The following AGT variants were observed in gnomAD, a reference collection of about 807,000 sequenced individuals.
AGT encodes angiotensinogen.
In AGT, 26 loss-of-function variants were observed where a neutral mutation model predicts 28.1. The ratio of observed to expected loss-of-function variants is 0.92; its 90% CI spans 0.68 to 1.28. AGT has a LOEUF of 1.28. Among genes scored for constraint, AGT ranks in the 50% most tolerant of loss-of-function variants. The probability of loss-of-function intolerance (pLI) is 0.00; values close to 1 mark genes in which losing one functional copy is unlikely to be tolerated. For missense variants in AGT, 596 were observed against 592.3 expected, an observed-to-expected ratio of 1.01 and a Z score of -0.06; for synonymous variants, 259 against 259.6, an observed-to-expected ratio of 1.00 and a Z score of 0.02.
chr1:230,733,566 C>A (rs535825454), intron 1 of AGT, among the ~76,000 whole-genome samples: 10 of 152,142 alleles, frequency 6.6e-5, no homozygotes, highest in Non-Finnish European at 1.3e-4. Flanking sequence ...GTCTCATTTG[C>A]TACAATTTAA....
chr1:230,735,733 C>T (rs1242040102), intron 1 of AGT, among the ~76,000 whole-genome samples: 2 of 152,142 alleles, frequency 1.3e-5, no homozygotes, highest in African/African-American at 4.8e-5. Flanking sequence ...CCTCAGGTGA[C>T]TGCATCCTCC....
intron 1 of AGT, among the ~76,000 whole-genome samples, chr1:230,712,886 C>G (rs1360619838): frequency 6.6e-6 from 1 of 152,200 alleles, no homozygotes; most frequent in Non-Finnish European, 1.5e-5. Context: ...CTGCCCCTGC[C>G]TCTTGGCCAG....
At chr1:230,719,497 T>A (rs1663804692), upstream of AGT, among the ~76,000 whole-genome samples, 1 of 149,044 alleles carries the variant, frequency 6.7e-6, no homozygotes, top group South Asian at 2.2e-4. Flanking sequence ...AAGCTCCGCC[T>A]CCTGGGTTCA....
At chr1:230,735,009 C>T (rs752512697) in intron 1 of AGT, among the ~76,000 whole-genome samples, 9 of 152,112 alleles carry the variant, frequency 5.9e-5, no homozygotes, top group African/African-American at 9.7e-5. Flanking sequence ...CCATCGCGCC[C>T]GGCCATAACT....
At chr1:230,735,784 C>G (rs1297567586) in intron 1 of AGT, among the ~76,000 whole-genome samples, 1 of 152,200 alleles carries the variant, frequency 6.6e-6, no homozygotes, top group Admixed American at 6.5e-5. Flanking sequence ...GAAACTGCTT[C>G]TCCTTCACCC....
Position 230,704,334 on chromosome 1 carries a change from G to A in AGT, c.1101C>T (p.Thr367=). Residue 367 remains threonine (T), a synonymous_variant, in exon 4 of 5, where the codon ACC becomes ACT. Transcript: ENST00000366667. ...CCAGTTGGGGCATGGTCAGGTGGAT[G>A]GTCCTGGGGAGATGATGCACAGTTA... ...LNWMKKLSPR[T]IHLTMPQLVL... The A allele has an allele frequency of 6.2e-7, 1 of 1,614,130 alleles. No individual in the cohort carries two copies. The highest frequency in any genetic ancestry group is 8.5e-7 in the Non-Finnish European group (1 of 1,180,014).
intron 1 of AGT, among the ~76,000 whole-genome samples, chr1:230,732,073 C>A (rs1338091168): frequency 6.6e-6 from 1 of 152,196 alleles, no homozygotes; most frequent in Admixed American, 6.5e-5. Flanking sequence ...ACTGCACCAC[C>A]CCTATCTTCT....
chr1:230,720,212 C>T (rs1388829383), intron 1 of AGT, among the ~76,000 whole-genome samples: 1 of 152,174 alleles, frequency 6.6e-6, no homozygotes, highest in Non-Finnish European at 1.5e-5. Context: ...GTGCAAACTC[C>T]AGTTGGCCAT....
In AGT at chr1:230,710,092, C is replaced by T. The variant is rs759416989; in HGVS notation, c.732G>A (p.Arg244=). ...TCCATCCTGTCACAGCCTGCATGAA[C>T]CTGTCAATCTTCTCAGCAGCAACAT... is the stretch of plus-strand genomic sequence containing the variant. The part of the protein sequence containing the change: ...ELDVAAEKID[R]FMQAVTGWKT... The change falls in exon 2 of 5, where the codon AGG becomes AGA. Residue 244 remains arginine, a synonymous_variant. Coordinates refer to ENST00000366667, the MANE Select transcript of AGT (RefSeq NM_001384479.1). The T allele has an allele frequency of 1.2e-6, 2 of 1,614,216 alleles. No homozygotes were observed. The highest frequency in any genetic ancestry group is 1.7e-6 in the Non-Finnish European group (2 of 1,180,048).
intron 1 of AGT, among the ~76,000 whole-genome samples, chr1:230,720,901 C>A (rs1011869665): frequency 6.6e-6 from 1 of 152,218 alleles, no homozygotes. Flanking sequence ...TTCTCCATCA[C>A]CCTCACCCTT....
intron 2 of AGT, among the ~76,000 whole-genome samples, chr1:230,709,651 C>A (rs1663513027): frequency 6.6e-6 from 1 of 152,198 alleles, no homozygotes; most frequent in Admixed American, 6.5e-5. Flanking sequence ...AGGACCCCCA[C>A]TGGTGGCTGT....
intron 1 of AGT, 76 bp downstream of exon 1, chr1:230,714,010 T>C (rs778144375): frequency 6.6e-5 from 10 of 152,302 alleles, no homozygotes; most frequent in South Asian, 2.1e-4. Flanking sequence ...CTCCCGGCCT[T>C]TTCCTCCTAG....
At position 230,735,748 on chromosome 1, in the gene AGT, T is replaced by C. The variant is rs112645296; in HGVS notation, c.-31+9767A>G. ...CCTCAGGTGACTGCATCCTCCCCCA[T>C]CAGCTCCCATCCCGCCCTCCTTCCT... On this transcript the variant is annotated intron_variant, in intron 1 of 4. Transcript: ENST00000681269. Among the ~76,000 whole-genome samples, 242 of 152,236 alleles carry C rather than the reference T, an allele frequency of 1.6e-3. 3 individuals are homozygous for C. The highest frequency in any genetic ancestry group is 5.7e-3 in the African/African-American group (236 of 41,546).
chr1:230,736,717 A>G (rs1227695952), intron 1 of AGT, among the ~76,000 whole-genome samples: 1 of 152,074 alleles, frequency 6.6e-6, no homozygotes. Context: ...GTGGTATCCT[A>G]TCTAATCCAA....
intron 1 of AGT, among the ~76,000 whole-genome samples, chr1:230,742,124 A>G (rs1470128493): frequency 6.6e-6 from 1 of 152,180 alleles, no homozygotes; most frequent in Non-Finnish European, 1.5e-5. Context: ...TATAAAAGGC[A>G]TATAGAAAAG....
chr1:230,719,404 ATGTT>A (rs1412995017), upstream of AGT, among the ~76,000 whole-genome samples: 1,998 of 99,538 alleles, frequency 0.02, 15 homozygotes, highest in South Asian at 0.026. Flanking sequence ...TATTATCATT[ATGTT>A]TTTTTTTTTT....
At chr1:230,741,498 C>T (rs556175239) in intron 1 of AGT, among the ~76,000 whole-genome samples, 1 of 152,346 alleles carries the variant, frequency 6.6e-6, no homozygotes, top group African/African-American at 2.4e-5. Flanking sequence ...GCTCTGTTGC[C>T]TTTCAGGAGA....
Position 230,706,051 on chromosome 1 carries a change from A to G in AGT, c.979T>C (p.Phe327Leu). The G allele has an allele frequency of 1.2e-6, 2 of 1,614,188 alleles. No homozygotes were observed. Among genetic ancestry groups the G allele is most frequent in the Non-Finnish European group, 1.7e-6 (2 of 1,180,028 alleles). Residue 327 changes from phenylalanine (F) to leucine (L), a missense_variant, in exon 3 of 5, where the codon TTC becomes CTC. Transcript: ENST00000366667. ...QDNFSVTQVP[F>L]TESACLLLIQ... is the part of the protein sequence containing the mutation. ...AGCAGCAGGCAGGCGCTCTCAGTGA[A>G]GGGCACTTGAGTCACCGAGAAGTTG...
At chr1:230,711,816 TAAAA>T (rs58359338) in intron 1 of AGT, among the ~76,000 whole-genome samples, 4,092 of 136,280 alleles carry the variant, frequency 0.03, 129 homozygotes, top group African/African-American at 0.081. Flanking sequence ...GGACCACGTA[TAAAA>T]AAAAAAAAAA....
Sources: gnomAD v4.1 joint callset for allele counts (sites outside exome capture counted in the v4.1 genomes callset) on GRCh38, gnomAD v4.1.1 for gene constraint, MANE v1.5 for transcripts, NCBI Gene and HGNC (gene_info 2026-07-23, HGNC 2026-07-21) for gene names.